The following TET1 variants were observed in gnomAD, a reference collection of about 807,000 sequenced individuals.
TET1 encodes the protein methylcytosine dioxygenase TET1.
In TET1, 13 loss-of-function variants were observed where a neutral mutation model predicts 148.7. That is an observed-to-expected ratio of 0.09 (90% confidence interval 0.06 to 0.14). TET1 has a LOEUF of 0.14. TET1 is among the 10% of genes least tolerant of loss of function. The probability of loss-of-function intolerance (pLI) is 1.00; values close to 1 mark genes in which losing one functional copy is unlikely to be tolerated. For missense variants in TET1, 2,182 were observed against 2,553.8 expected, an observed-to-expected ratio of 0.85 and a Z score of 3.14; for synonymous variants, 907 against 937.2, an observed-to-expected ratio of 0.97 and a Z score of 0.59.
At position 68,690,825 on chromosome 10, in the gene TET1, G is replaced by A. The variant is rs150708897; in HGVS notation, c.5422G>A (p.Val1808Met). The change falls in exon 12 of 12, where the codon GTG becomes ATG. Residue 1808 changes from valine (V) to methionine (M), a missense_variant. By Grantham distance (21) the Val-to-Met change is conservative. Coordinates refer to ENST00000373644, the MANE Select transcript of TET1 (RefSeq NM_030625.3). The stretch of plus-strand genomic sequence containing the variant: ...TTGTTTAGGGAGTAACACTGAGACC[G>A]TGCAACCTGAAGTAAAAAGTGAAAC... ...LPTLGSNTET[V>M]QPEVKSETEP... is the part of the protein sequence containing the mutation. 1.7e-3 allele frequency: 2,774 copies of A among 1,608,178 alleles called. 8 individuals carry two copies. Among genetic ancestry groups the A allele is most frequent in the South Asian group, 2.4e-3 (217 of 90,518 alleles).
chr10:68,641,660 G>A lies in TET1; in HGVS notation c.1969-3038G>A, dbSNP rs561255364. 1.5e-3 allele frequency among the ~76,000 whole-genome samples: 45 copies of A among 30,754 alleles called. No individual in the cohort carries two copies. The South Asian group carries it at 0.042, about 29-fold the overall frequency. The allele number at this position is 30,754 out of a possible 152,430, so 20.2% of individuals were successfully genotyped here. A position where few individuals can be genotyped will look rare whatever the true frequency, so the allele number is the denominator to read the frequency against. On this transcript the variant is annotated intron_variant, in intron 3 of 11. Coordinates refer to ENST00000373644, the MANE Select transcript of TET1 (RefSeq NM_030625.3). ...ACTACAGGCGTACGCCACCCTGCCC[G>A]GCTAATTTTTTTTTTGTATTTTGGT...
intron 10 of TET1, among the ~76,000 whole-genome samples, chr10:68,684,617 C>T (rs1442474866): frequency 1.3e-5 from 2 of 152,114 alleles, no homozygotes; most frequent in Admixed American, 1.3e-4. Context: ...CGCTCTTTGA[C>T]TTCCAGGGCC....
At chr10:68,681,529 A>G (rs749473495) in intron 9 of TET1, 41 bp downstream of exon 9, 16 of 1,413,692 alleles carry the variant, frequency 1.1e-5, no homozygotes, top group East Asian at 2.3e-5. Context: ...TATTAATTTG[A>G]GGTGGGGTCT....
chr10:68,584,532 A>C (rs1278336841), intron 2 of TET1, among the ~76,000 whole-genome samples: 1 of 151,168 alleles, frequency 6.6e-6, no homozygotes, highest in Non-Finnish European at 1.5e-5. Context: ...AACATGGTTA[A>C]ACCCCGTCTC....
intron 3 of TET1, among the ~76,000 whole-genome samples, chr10:68,639,570 G>A (rs1249969199): frequency 1.3e-5 from 2 of 151,930 alleles, no homozygotes; most frequent in South Asian, 4.1e-4. Flanking sequence ...CCAGGTTCAC[G>A]TGATCCTCCC....
chr10:68,609,752 A>C (rs1400328885), intron 3 of TET1, among the ~76,000 whole-genome samples: 1 of 152,108 alleles, frequency 6.6e-6, no homozygotes, highest in Non-Finnish European at 1.5e-5. Flanking sequence ...ATATATATAT[A>C]GCGTGTGAGA....
chr10:68,648,352 A>G (rs1249849986), intron 4 of TET1, among the ~76,000 whole-genome samples: 1 of 152,224 alleles, frequency 6.6e-6, no homozygotes, highest in East Asian at 1.9e-4. Flanking sequence ...GCACTCTTCT[A>G]AGAAACCTGT....
At chr10:68,569,162 G>GTTTTTT (rs1362900985) in intron 1 of TET1, among the ~76,000 whole-genome samples, 3 of 122,326 alleles carry the variant, frequency 2.5e-5, no homozygotes, top group African/African-American at 9.8e-5. Context: ...AGGCAGGAGA[G>GTTTTTT]TTTCTTTTTT....
At chr10:68,640,332 C>T (rs1014989217) in intron 3 of TET1, among the ~76,000 whole-genome samples, 3 of 149,252 alleles carry the variant, frequency 2.0e-5, no homozygotes, top group African/African-American at 4.9e-5. Context: ...GGCTCAATCT[C>T]GGCTCACTGC....
chr10:68,603,204 T>G (rs1473421324), intron 3 of TET1, among the ~76,000 whole-genome samples: 1 of 152,238 alleles, frequency 6.6e-6, no homozygotes, highest in African/African-American at 2.4e-5. Flanking sequence ...TCCAGAAATT[T>G]AGTCTGCTTC....
intron 2 of TET1, among the ~76,000 whole-genome samples, chr10:68,583,568 T>C (rs948294376): frequency 6.6e-6 from 1 of 152,178 alleles, no homozygotes; most frequent in Non-Finnish European, 1.5e-5. Context: ...TAACACCAAG[T>C]CACTGTTTCT....
At chr10:68,627,107 AT>A (rs2054495245) in intron 3 of TET1, among the ~76,000 whole-genome samples, 2 of 152,032 alleles carry the variant, frequency 1.3e-5, no homozygotes, top group South Asian at 4.2e-4. Flanking sequence ...CCCCGTCTGT[AT>A]TAAAAATACA....
chr10:68,692,139 T>C lies in TET1; in HGVS notation c.*325T>C. 3 of 309,898 alleles carry C rather than the reference T, an allele frequency of 9.7e-6. No individual in the cohort carries two copies. The highest frequency in any genetic ancestry group is 1.8e-5 in the Non-Finnish European group (3 of 166,600). The allele number at this position is 309,898 out of a possible 1,614,324, so 19.2% of individuals were successfully genotyped here. A position where few individuals can be genotyped will look rare whatever the true frequency, so the allele number is the denominator to read the frequency against. Reference sequence around the variant, plus strand: ...TCTGTTTACTATGAAACAAGAGTCATTTTTAGAGGATTTTAACAGGTTCAT... The same window carrying C: ...TCTGTTTACTATGAAACAAGAGTCACTTTTAGAGGATTTTAACAGGTTCAT... On this transcript the variant is annotated 3_prime_UTR_variant, in exon 12 of 12. Transcript: ENST00000373644.
intron 3 of TET1, among the ~76,000 whole-genome samples, chr10:68,627,281 G>A (rs185798925): frequency 5.9e-5 from 9 of 152,118 alleles, no homozygotes; most frequent in Admixed American, 2.6e-4. Flanking sequence ...GTGGTGGTCC[G>A]TGCCTGTAAT....
chr10:68,668,168 T>C (rs1439503145), intron 7 of TET1, among the ~76,000 whole-genome samples: 1 of 152,236 alleles, frequency 6.6e-6, no homozygotes, highest in African/African-American at 2.4e-5. Context: ...ATGGTGCTAT[T>C]AACTCTTATT....
rs2054584211 is a variant in TET1 at position 68,632,263 on chromosome 10, A to G, written c.1969-12435A>G. 6.8e-6 allele frequency: 6 copies of G among 888,142 alleles called. No homozygotes were observed. In the Admixed American group the frequency reaches 1.1e-4, roughly 16 times the overall value. The allele number at this position is 888,142 out of a possible 1,614,324, so 55.0% of individuals were successfully genotyped here. ...CGTGAACCCGGGAGGCGGAGCTTGC[A>G]GTGAGCCGAGATCCCGCCACTGCAC... On this transcript the variant is annotated intron_variant, in intron 3 of 11. Transcript: ENST00000373644.
At chr10:68,594,900 AC>A (rs2053960005) in intron 2 of TET1, among the ~76,000 whole-genome samples, 1 of 150,592 alleles carries the variant, frequency 6.6e-6, no homozygotes, top group Non-Finnish European at 1.5e-5. Flanking sequence ...AATCCCTTGA[AC>A]CCGGGAGGCG....
Position 68,580,797 on chromosome 10 carries a change from A to T in TET1, c.1914+6545A>T, listed in dbSNP as rs1411256520. On this transcript the variant is annotated intron_variant, in intron 2 of 11. Coordinates refer to ENST00000373644, the MANE Select transcript of TET1 (RefSeq NM_030625.3). ...AACTCCATCTCAAAAAAAAAAAAAA[A>T]AAAAAAAAATATATATATATATATA... Among the ~76,000 whole-genome samples, 890 of 128,160 alleles carry T rather than the reference A, an allele frequency of 6.9e-3. 6 individuals carry two copies. Among genetic ancestry groups the T allele is most frequent in the African/African-American group, 0.019 (684 of 35,754 alleles). The allele number at this position is 128,160 out of a possible 152,430, so 84.1% of individuals were successfully genotyped here.
rs2055611673 is a variant in TET1 at position 68,692,893 on chromosome 10, C to G, written c.*1079C>G. 1 of 230,382 alleles carries G rather than the reference C, an allele frequency of 4.3e-6. No homozygotes were observed. The highest frequency in any genetic ancestry group is 8.6e-6 in the Non-Finnish European group (1 of 116,848). 14.3% of individuals were successfully genotyped at this position (230,382 alleles called of 1,614,324 possible). A position where few individuals can be genotyped will look rare whatever the true frequency, so the allele number is the denominator to read the frequency against. ...TCTAATGTCTCAAGGTGATAAAATA[C>G]AAAAACTAAGTAGACAGATATTTGT... On this transcript the variant is annotated 3_prime_UTR_variant, in exon 12 of 12. Coordinates refer to ENST00000373644, the MANE Select transcript of TET1 (RefSeq NM_030625.3).
Sources: allele counts gnomAD v4.1 joint callset (sites outside exome capture counted in the v4.1 genomes callset), GRCh38; gene constraint gnomAD v4.1.1; transcripts MANE v1.5; gene names NCBI Gene and HGNC (gene_info 2026-07-23, HGNC 2026-07-21).